SGCD: variants seen among roughly 807,000 people sequenced by gnomAD.
SGCD encodes sarcoglycan delta, also known as delta-sarcoglycan.
Under a neutral mutation model 36.6 loss-of-function variants are expected in SGCD, and 18 were observed. That is an observed-to-expected ratio of 0.49 (90% confidence interval 0.34 to 0.73). SGCD has a LOEUF of 0.73. Among genes scored for constraint, SGCD ranks in the 30% least tolerant of loss-of-function variants. The pLI, the probability that SGCD is intolerant of heterozygous loss-of-function variation, is 0.01. For missense variants in SGCD, 387 were observed against 346.7 expected (o/e 1.12, Z -0.92); for synonymous variants, 133 against 130.6 (o/e 1.02, Z -0.12).
chr5:156,580,118 A>G (rs980671284), intron 4 of SGCD, among the ~76,000 whole-genome samples: 1 of 152,200 alleles, frequency 6.6e-6, no homozygotes, highest in Non-Finnish European at 1.5e-5. Flanking sequence ...GGTGGTGACA[A>G]AATCTCTCAG....
intron 3 of SGCD, among the ~76,000 whole-genome samples, chr5:156,356,698 C>T (rs528037936): frequency 6.6e-6 from 1 of 152,228 alleles, no homozygotes; most frequent in South Asian, 2.1e-4. Flanking sequence ...GCTCCTAATC[C>T]TTGGAGCCTG....
intron 3 of SGCD, among the ~76,000 whole-genome samples, chr5:156,388,442 G>A (rs183411000): frequency 6.6e-6 from 1 of 152,264 alleles, no homozygotes; most frequent in Admixed American, 6.5e-5. Context: ...GTAATCAAAC[G>A]ACTATCAGAT....
At chr5:156,096,729 CTTTAT>C (rs1464388182) in intron 1 of SGCD, among the ~76,000 whole-genome samples, 1 of 152,116 alleles carries the variant, frequency 6.6e-6, no homozygotes, top group Non-Finnish European at 1.5e-5. Flanking sequence ...CCAGACTAGC[CTTTAT>C]TTCTTAAGAA....
At position 156,412,264 on chromosome 5, in the gene SGCD, G is replaced by A. The variant is rs368952517; in HGVS notation, c.192+67587G>A. Among the ~76,000 whole-genome samples the A allele has an allele frequency of 4.2e-4, 64 of 152,318 alleles. 1 individual carries two copies. In the South Asian group the frequency reaches 0.012, roughly 30 times the overall value. ...TCATCATTCCCATTCAGGCTGGTTA[G>A]CGTGAGCCTCAGTTGACCAAACTTT... On this transcript the variant is annotated intron_variant, in intron 3 of 8. Coordinates refer to ENST00000337851, the MANE Select transcript of SGCD (RefSeq NM_000337.6).
At chr5:156,622,827 C>T (rs998907418) in intron 6 of SGCD, among the ~76,000 whole-genome samples, 7 of 152,038 alleles carry the variant, frequency 4.6e-5, no homozygotes, top group Non-Finnish European at 2.9e-5. Context: ...AAACCTATTA[C>T]GTGAGTGTCT....
the SGCD span, among the ~76,000 whole-genome samples, chr5:155,864,324 AAGAT>A: frequency 6.6e-6 from 1 of 152,122 alleles, no homozygotes; most frequent in African/African-American, 2.4e-5. Context: ...GCTAGCCACA[AAGAT>A]AGGGGAATTT....
chr5:156,590,120 GT>G (rs1760666564), intron 5 of SGCD, among the ~76,000 whole-genome samples: 1 of 152,170 alleles, frequency 6.6e-6, no homozygotes, highest in South Asian at 2.1e-4. Context: ...AATGCCATTT[GT>G]TTGGCTTCAG....
chr5:156,757,841 T>C (rs1757400810), intron 8 of SGCD, 137 bp downstream of exon 8: 3 of 1,351,644 alleles, frequency 2.2e-6, no homozygotes, highest in Non-Finnish European at 2.9e-6. Context: ...TCTGAAACAA[T>C]TAATTGAGCA....
At chr5:156,723,850 A>AGTGTGTGTGTGTGT (rs60939391) in intron 7 of SGCD, among the ~76,000 whole-genome samples, 45 of 150,100 alleles carry the variant, frequency 3.0e-4, no homozygotes, top group African/African-American at 1.0e-3. Flanking sequence ...TTTTAAGCCA[A>AGTGTGTGTGTGTGT]GTGTGTGTGT....
At chr5:155,729,021 AC>A in the SGCD span, among the ~76,000 whole-genome samples, 2 of 151,910 alleles carry the variant, frequency 1.3e-5, no homozygotes, top group East Asian at 3.9e-4. Context: ...GGCCCCCTTT[AC>A]CCCCAGCTAG....
At chr5:156,534,946 T>G (rs188228938) in intron 4 of SGCD, among the ~76,000 whole-genome samples, 1 of 152,302 alleles carries the variant, frequency 6.6e-6, no homozygotes, top group East Asian at 1.9e-4. Flanking sequence ...TCCTATGTTG[T>G]TAAAAATATA....
intron 3 of SGCD, among the ~76,000 whole-genome samples, chr5:156,130,716 TTTTC>T (rs752065599): frequency 4.6e-5 from 7 of 152,206 alleles, no homozygotes; most frequent in South Asian, 2.1e-4. Context: ...CTCGTTTTTC[TTTTC>T]TTTCTTTCTT....
At chr5:156,601,324 G>C (rs989304285) in intron 6 of SGCD, among the ~76,000 whole-genome samples, 1 of 152,148 alleles carries the variant, frequency 6.6e-6, no homozygotes, top group African/African-American at 2.4e-5. Flanking sequence ...ATAGTGAGAG[G>C]TAGAGGTCTA....
intron 7 of SGCD, among the ~76,000 whole-genome samples, chr5:156,709,837 C>T (rs1435171549): frequency 6.6e-6 from 1 of 151,676 alleles, no homozygotes; most frequent in Admixed American, 6.6e-5. Context: ...GCCCCCTCCC[C>T]CCCGACGCCG....
At chr5:156,458,448 T>G in intron 3 of SGCD, 1 of 1,610,430 alleles carries the variant, frequency 6.2e-7, no homozygotes, top group Non-Finnish European at 8.5e-7. Context: ...AAACCCTGAT[T>G]CCCATCCCCA....
intron 7 of SGCD, among the ~76,000 whole-genome samples, chr5:156,687,142 G>A (rs955889192): frequency 4.6e-5 from 7 of 152,196 alleles, no homozygotes; most frequent in Admixed American, 3.9e-4. Context: ...GACAAAGTGG[G>A]AAGACAGATT....
intron 1 of SGCD, among the ~76,000 whole-genome samples, chr5:156,077,921 C>T (rs900746884): frequency 6.6e-6 from 1 of 152,176 alleles, no homozygotes; most frequent in Non-Finnish European, 1.5e-5. Context: ...TAGAGAAGAG[C>T]ATCTACAGGG....
At chr5:156,185,315 C>T (rs940635778) in intron 3 of SGCD, among the ~76,000 whole-genome samples, 1 of 150,802 alleles carries the variant, frequency 6.6e-6, no homozygotes, top group South Asian at 2.1e-4. Flanking sequence ...CCCGGGTTCA[C>T]ACCATTCTCC....
chr5:156,078,184 T>G (rs909297634), intron 1 of SGCD, among the ~76,000 whole-genome samples: 1 of 151,976 alleles, frequency 6.6e-6, no homozygotes, highest in Non-Finnish European at 1.5e-5. Flanking sequence ...ATTGAAAATT[T>G]TATTAAGATA....
Sources: allele counts gnomAD v4.1 joint callset (sites outside exome capture counted in the v4.1 genomes callset), GRCh38; gene constraint gnomAD v4.1.1; transcripts MANE v1.5; gene names NCBI Gene and HGNC (gene_info 2026-07-23, HGNC 2026-07-21).